The following RBFOX1 variants were observed in gnomAD, a reference collection of about 807,000 sequenced individuals.
RBFOX1 encodes the protein RNA binding protein fox-1 homolog 1.
In RBFOX1, 8 loss-of-function variants were observed where a neutral mutation model predicts 57.7. That is an observed-to-expected ratio of 0.14 (90% CI 0.08 to 0.25). The LOEUF is 0.25. Ranked by LOEUF, RBFOX1 falls within the 10% of genes least tolerant of loss-of-function variation. The pLI, the probability that RBFOX1 is intolerant of heterozygous loss-of-function variation, is 1.00. For missense variants in RBFOX1, 611 were observed against 548.5 expected (o/e 1.11, Z -1.14); for synonymous variants, 326 against 222.4 (o/e 1.47, Z -4.15).
intron 1 of RBFOX1, among the ~76,000 whole-genome samples, chr16:5,420,562 G>A (rs998101908): frequency 5.9e-5 from 9 of 152,078 alleles, no homozygotes; most frequent in African/African-American, 1.9e-4. Flanking sequence ...AGGCTGGAGT[G>A]CAGTGGTGCA....
intron 2 of RBFOX1, among the ~76,000 whole-genome samples, chr16:6,344,398 C>CTTTTTTTTT (rs1176288797): frequency 2.8e-5 from 2 of 71,960 alleles, no homozygotes; most frequent in African/African-American, 2.1e-4. Flanking sequence ...CTTCTTTTTT[C>CTTTTTTTTT]TTTTTTTTCT....
At chr16:7,587,210 C>G (rs1014494901) in intron 6 of RBFOX1, 37 bp from the exon 7 acceptor site, 1 of 1,487,952 alleles carries the variant, frequency 6.7e-7, no homozygotes, top group Non-Finnish European at 9.0e-7. Context: ...TACTGCATTT[C>G]TCTTCTTGCT....
chr16:6,253,773 G>T (rs118149804), intron 1 of RBFOX1, among the ~76,000 whole-genome samples: 4 of 151,670 alleles, frequency 2.6e-5, no homozygotes, highest in Admixed American at 1.3e-4. Flanking sequence ...ATTCAAAATT[G>T]TGCTGTCTTT....
chr16:6,273,220 C>G (rs926219597), intron 1 of RBFOX1, among the ~76,000 whole-genome samples: 3 of 151,452 alleles, frequency 2.0e-5, no homozygotes, highest in African/African-American at 7.3e-5. Context: ...GATCATGCCA[C>G]TGTACTCCAG....
intron 4 of RBFOX1, among the ~76,000 whole-genome samples, chr16:7,231,686 T>TG (rs1427717172): frequency 1.3e-5 from 2 of 152,192 alleles, no homozygotes; most frequent in African/African-American, 2.4e-5. Flanking sequence ...GAACAAAATG[T>TG]GGTCTATCCA....
intron 4 of RBFOX1, among the ~76,000 whole-genome samples, chr16:7,362,107 GTGTA>G (rs1013246343): frequency 6.6e-6 from 1 of 151,228 alleles, no homozygotes; most frequent in Non-Finnish European, 1.5e-5. Flanking sequence ...GTGTTAGTGT[GTGTA>G]TGTGTGTGGA....
intron 4 of RBFOX1, among the ~76,000 whole-genome samples, chr16:7,097,474 G>C (rs772633666): frequency 6.6e-6 from 1 of 152,176 alleles, no homozygotes; most frequent in Non-Finnish European, 1.5e-5. Flanking sequence ...GAGGAGGACA[G>C]TAAGAGAGTG....
intron 3 of RBFOX1, among the ~76,000 whole-genome samples, chr16:5,847,346 C>A (rs187877350): frequency 9.5e-4 from 140 of 147,154 alleles, no homozygotes; most frequent in African/African-American, 3.4e-3. Flanking sequence ...GCCTCAGTTT[C>A]CTTATCTGAA....
At chr16:6,234,362 T>G (rs1273275308) in intron 1 of RBFOX1, among the ~76,000 whole-genome samples, 2 of 152,256 alleles carry the variant, frequency 1.3e-5, no homozygotes, top group East Asian at 3.8e-4. Context: ...TTTATGTGAT[T>G]CTTTGATTAT....
chr16:5,294,226 C>G (rs907763674), intron 1 of RBFOX1, among the ~76,000 whole-genome samples: 11 of 151,982 alleles, frequency 7.2e-5, no homozygotes, highest in Non-Finnish European at 1.5e-4. Context: ...AAGATTCTGT[C>G]TCAAAAACAA....
chr16:6,804,465 C>T (rs994463880), intron 3 of RBFOX1, among the ~76,000 whole-genome samples: 2 of 152,110 alleles, frequency 1.3e-5, no homozygotes, highest in African/African-American at 4.8e-5. Flanking sequence ...TGGTACACGC[C>T]CTCCAATGGA....
chr16:5,658,681 T>C (rs2049536028), intron 3 of RBFOX1, among the ~76,000 whole-genome samples: 1 of 151,470 alleles, frequency 6.6e-6, no homozygotes, highest in Non-Finnish European at 1.5e-5. Context: ...TGAATGCCAT[T>C]AATTCATGCC....
At chr16:5,565,266 TGTGCGTGTGTGCAC>T (rs1394261223) in intron 2 of RBFOX1, among the ~76,000 whole-genome samples, 1 of 150,648 alleles carries the variant, frequency 6.6e-6, no homozygotes, top group Non-Finnish European at 1.5e-5. Context: ...GGTGTGTGTG[TGTGCGTGTGTGCAC>T]GTGCGTGCGT....
At chr16:6,448,359 A>G (rs1046208496) in intron 2 of RBFOX1, among the ~76,000 whole-genome samples, 5 of 151,642 alleles carry the variant, frequency 3.3e-5, no homozygotes, top group Non-Finnish European at 5.9e-5. Context: ...GGGCTTCACC[A>G]TGTTGACCAG....
chr16:6,889,731 G>A (rs1430333525), intron 3 of RBFOX1, among the ~76,000 whole-genome samples: 1 of 152,172 alleles, frequency 6.6e-6, no homozygotes, highest in African/African-American at 2.4e-5. Flanking sequence ...ATTGGTTTGT[G>A]TAATCTTGGA....
intron 3 of RBFOX1, among the ~76,000 whole-genome samples, chr16:6,920,371 C>A (rs7202030): frequency 6.6e-6 from 1 of 152,134 alleles, no homozygotes; most frequent in Non-Finnish European, 1.5e-5. Flanking sequence ...CAATCTCTCT[C>A]TTCTGCATGA....
At chr16:7,379,263 A>G (rs763224937) in intron 4 of RBFOX1, among the ~76,000 whole-genome samples, 16 of 152,210 alleles carry the variant, frequency 1.1e-4, no homozygotes, top group Non-Finnish European at 1.8e-4. Flanking sequence ...AAAGAGTTTC[A>G]TTGGTAACTG....
At position 7,589,913 on chromosome 16, in the gene RBFOX1, GT is replaced by G. The variant is rs2094349285; in HGVS notation, c.468+2614del. Among the ~76,000 whole-genome samples the G allele has an allele frequency of 3.4e-3, 5 of 1,490 alleles. No homozygotes were observed. The African/African-American group carries it at 0.043, about 13-fold the overall frequency. The allele number at this position is 1,490 out of a possible 152,430, so 1.0% of individuals were successfully genotyped here. The stretch of plus-strand genomic sequence containing the variant: ...CAATGCTGAAGGCTGTGTGTGCTGG[GT>G]GTGTGTGTGTGTGTGTGTGTGTGTG... On this transcript the variant is annotated intron_variant, in intron 7 of 15. Transcript: ENST00000550418.
intron 1 of RBFOX1, among the ~76,000 whole-genome samples, chr16:5,378,897 A>T (rs1463038324): frequency 2.6e-5 from 4 of 151,554 alleles, no homozygotes; most frequent in Non-Finnish European, 5.9e-5. Flanking sequence ...CTGTATACAT[A>T]GAGAGATTTC....
Sources: gnomAD v4.1 joint callset for allele counts (sites outside exome capture counted in the v4.1 genomes callset) on GRCh38, gnomAD v4.1.1 for gene constraint, MANE v1.5 for transcripts, NCBI Gene and HGNC (gene_info 2026-07-23, HGNC 2026-07-21) for gene names.